PIK3CB: variants seen among roughly 807,000 people sequenced by gnomAD.
PIK3CB encodes the protein phosphatidylinositol 4,5-bisphosphate 3-kinase catalytic subunit beta isoform.
PIK3CB carries 39 observed loss-of-function variants against 136.8 expected under a neutral mutation model. The observed-to-expected ratio is 0.29, with a 90% CI of 0.22 to 0.37. The LOEUF (loss-of-function observed/expected upper bound fraction) is 0.37. Among genes scored for constraint, PIK3CB ranks in the 10% least tolerant of loss-of-function variants. The pLI is 1.00. For missense variants in PIK3CB, 868 were observed against 1,275.4 expected, an observed-to-expected ratio of 0.68 and a Z score of 4.87; for synonymous variants, 428 against 436.6, an observed-to-expected ratio of 0.98 and a Z score of 0.25.
chr3:138,687,933 T>C (rs1310406985), intron 16 of PIK3CB, among the ~76,000 whole-genome samples: 2 of 152,148 alleles, frequency 1.3e-5, no homozygotes, highest in Non-Finnish European at 2.9e-5. Context: ...AGATGTGAGA[T>C]ATATTTCAGG....
intron 2 of PIK3CB, among the ~76,000 whole-genome samples, chr3:138,762,645 C>T (rs1391110268): frequency 6.6e-6 from 1 of 152,148 alleles, no homozygotes; most frequent in Admixed American, 6.6e-5. Context: ...TGAAAACATG[C>T]TGTATTAACT....
chr3:138,769,457 C>A (rs2045773876), intron 2 of PIK3CB, among the ~76,000 whole-genome samples: 1 of 152,156 alleles, frequency 6.6e-6, no homozygotes. Context: ...CCCAGTATAA[C>A]TAGCTCTTAG....
In PIK3CB at chr3:138,755,694, A is replaced by C. The variant is rs542332806; in HGVS notation, c.397+60T>G. The C allele has an allele frequency of 1.4e-4, 107 of 756,116 alleles. No individual in the cohort carries two copies. In the East Asian group the frequency reaches 2.3e-3, roughly 16 times the overall value. The allele number at this position is 756,116 out of a possible 1,614,324, so 46.8% of individuals were successfully genotyped here. A position where few individuals can be genotyped will look rare whatever the true frequency, so the allele number is the denominator to read the frequency against. ...AAGCAATGTCTTAAATATACTTACT[A>C]TATGTTTATATAAATAGATATATTA... is the stretch of plus-strand genomic sequence containing the variant. On this transcript the variant is annotated intron_variant, in intron 4 of 23. Transcript: ENST00000674063.
chr3:138,733,728 A>C (rs1345401556), intron 7 of PIK3CB, among the ~76,000 whole-genome samples: 1 of 152,108 alleles, frequency 6.6e-6, no homozygotes. Flanking sequence ...AATACAAAAA[A>C]TTAGCTGGGC....
At chr3:138,681,940 GAAAAA>G (rs145780817) in intron 19 of PIK3CB, 22 bp downstream of exon 19, 1 of 1,155,470 alleles carries the variant, frequency 8.7e-7, no homozygotes, top group South Asian at 1.5e-5. Context: ...ACATTAGACT[GAAAAA>G]AAAAAAAAGA....
intron 16 of PIK3CB, among the ~76,000 whole-genome samples, chr3:138,686,132 A>G (rs917323694): frequency 6.6e-6 from 1 of 151,120 alleles, no homozygotes. Flanking sequence ...CAGTGAGACT[A>G]TGTCTCAAAA....
At chr3:138,674,695 C>T (rs2043608092) in intron 19 of PIK3CB, among the ~76,000 whole-genome samples, 1 of 152,126 alleles carries the variant, frequency 6.6e-6, no homozygotes, top group Non-Finnish European at 1.5e-5. Flanking sequence ...AAATTTTCAA[C>T]TTATTACACA....
intron 21 of PIK3CB, among the ~76,000 whole-genome samples, chr3:138,659,866 C>CTTTTTTTTTTTTTTT: frequency 1.3e-5 from 1 of 75,422 alleles, no homozygotes; most frequent in Non-Finnish European, 2.3e-5. Context: ...CTTTCCTCTT[C>CTTTTTTTTTTTTTTT]TTTTTTTTTT....
chr3:138,758,049 T>C (rs1026345271), intron 3 of PIK3CB, among the ~76,000 whole-genome samples: 7 of 152,180 alleles, frequency 4.6e-5, no homozygotes, highest in Non-Finnish European at 1.0e-4. Flanking sequence ...AAATGTGGCA[T>C]ATACATACAA....
At chr3:138,683,963 G>A (rs538850715) in intron 17 of PIK3CB, among the ~76,000 whole-genome samples, 176 bp from the exon 18 acceptor site, 11 of 152,346 alleles carry the variant, frequency 7.2e-5, no homozygotes, top group African/African-American at 2.6e-4. Flanking sequence ...ACAGCCTTGG[G>A]TGGCATATAC....
At chr3:138,706,469 C>T (rs1415355234) in intron 11 of PIK3CB, among the ~76,000 whole-genome samples, 2 of 152,182 alleles carry the variant, frequency 1.3e-5, no homozygotes, top group African/African-American at 4.8e-5. Flanking sequence ...CAACAAAAAT[C>T]AATTGTTCTT....
chr3:138,819,145 G>A (rs976998671), intron 1 of PIK3CB, among the ~76,000 whole-genome samples: 5 of 152,092 alleles, frequency 3.3e-5, no homozygotes, highest in African/African-American at 7.2e-5. Flanking sequence ...TCTGGAGATC[G>A]AGACCATCCT....
chr3:138,691,064 T>C lies in PIK3CB; in HGVS notation c.1972A>G (p.Arg658Gly), dbSNP rs1195436796. The C allele has an allele frequency of 1.4e-5, 22 of 1,612,376 alleles. No individual in the cohort carries two copies. The highest frequency in any genetic ancestry group is 1.9e-5 in the Non-Finnish European group (22 of 1,178,416). The change falls in exon 15 of 24, where the codon AGA (arginine) becomes GGA (glycine). Residue 658 changes from arginine (R) to glycine (G), a missense_variant. This residue lies in a region of PIK3CB where 612 missense variants were observed against 801.1 expected (regional missense o/e 0.76). Coordinates refer to ENST00000674063, the MANE Select transcript of PIK3CB (RefSeq NM_006219.3). ...CCAAGTGCTCTTTCTAATAGGAATC[T>C]AGAGAGGGCACAATCAAGAAAAGGC... ...YEPFLDCALS[R>G]FLLERALGNR... is the part of the protein sequence containing the mutation.
chr3:138,759,953 T>C (rs796756328), intron 2 of PIK3CB, among the ~76,000 whole-genome samples: 12 of 151,582 alleles, frequency 7.9e-5, no homozygotes, highest in African/African-American at 2.9e-4. Context: ...ATGGAGTCTC[T>C]CTCTGTTGCC....
intron 4 of PIK3CB, among the ~76,000 whole-genome samples, chr3:138,744,667 A>G (rs1171695304): frequency 2.0e-5 from 3 of 152,106 alleles, no homozygotes; most frequent in Non-Finnish European, 2.9e-5. Flanking sequence ...CAATCCTACC[A>G]CTGTTTGCTT....
intron 1 of PIK3CB, among the ~76,000 whole-genome samples, chr3:138,813,925 TG>T (rs1335295062): frequency 6.6e-6 from 1 of 152,078 alleles, no homozygotes; most frequent in Non-Finnish European, 1.5e-5. Context: ...CTAAATGGTT[TG>T]AAGGAGGAAT....
intron 2 of PIK3CB, among the ~76,000 whole-genome samples, chr3:138,762,775 T>G (rs2045679647): frequency 6.6e-6 from 1 of 151,704 alleles, no homozygotes. Flanking sequence ...CTGGGCAACA[T>G]GGTGAAACCT....
intron 4 of PIK3CB, among the ~76,000 whole-genome samples, chr3:138,747,782 A>C (rs2045390565): frequency 6.6e-6 from 1 of 152,202 alleles, no homozygotes; most frequent in Non-Finnish European, 1.5e-5. Context: ...AAATCTCAAA[A>C]AAAGTTTCAA....
chr3:138,700,805 C>T (rs361082), intron 12 of PIK3CB, among the ~76,000 whole-genome samples: 5 of 151,816 alleles, frequency 3.3e-5, no homozygotes, highest in Non-Finnish European at 7.4e-5. Context: ...AAATCCAAAA[C>T]GAAAAGCAAG....
Sources: allele counts gnomAD v4.1 joint callset (sites outside exome capture counted in the v4.1 genomes callset), GRCh38; gene constraint gnomAD v4.1.1; regional missense constraint gnomAD v4.1.1; transcripts MANE v1.5; gene names NCBI Gene and HGNC (gene_info 2026-07-23, HGNC 2026-07-21).